Variants in WWP1 observed in about 807,000 individuals in gnomAD.
The protein encoded by WWP1 is WW domain containing E3 ubiquitin protein ligase 1, also known as NEDD4-like E3 ubiquitin-protein ligase WWP1.
WWP1 carries 49 observed loss-of-function variants against 130.6 expected under a neutral mutation model. The ratio of observed to expected loss-of-function variants is 0.38; its 90% CI spans 0.30 to 0.48. WWP1 has a LOEUF of 0.48. Ranked by LOEUF, WWP1 falls within the 20% of genes least tolerant of loss-of-function variation. The pLI is 0.99. For synonymous variants in WWP1, 332 were observed against 367.8 expected, an observed-to-expected ratio of 0.90 and a Z score of 1.11; for missense variants, 809 against 1,100.6, an observed-to-expected ratio of 0.74 and a Z score of 3.75.
chr8:86,442,826 A>G, intron 18 of WWP1, 48 bp downstream of exon 18: 1 of 1,468,436 alleles, frequency 6.8e-7, no homozygotes, highest in Non-Finnish European at 9.0e-7. Context: ...TTACAAATGT[A>G]TTAGAGAAGG....
chr8:86,464,412 C>A (rs1226069269), intron 24 of WWP1, among the ~76,000 whole-genome samples: 2 of 152,108 alleles, frequency 1.3e-5, no homozygotes, highest in African/African-American at 4.8e-5. Flanking sequence ...TGTTTATTTT[C>A]ATATCAAAGT....
At chr8:86,379,236 G>A (rs182009285) in intron 3 of WWP1, among the ~76,000 whole-genome samples, 46 of 152,250 alleles carry the variant, frequency 3.0e-4, no homozygotes, top group Admixed American at 2.9e-3. Context: ...AGTTTGGAAC[G>A]ATGAAGGATG....
chr8:86,391,082 C>T (rs1807308292), intron 5 of WWP1, among the ~76,000 whole-genome samples: 1 of 152,030 alleles, frequency 6.6e-6, no homozygotes, highest in African/African-American at 2.4e-5. Flanking sequence ...TTTACATATA[C>T]ATAAATAAAC....
At chr8:86,448,641 GA>G (rs1811014400) in intron 20 of WWP1, 128 bp downstream of exon 20, 1 of 800,008 alleles carries the variant, frequency 1.2e-6, no homozygotes, top group Non-Finnish European at 1.8e-6. Context: ...CAATGTTCTT[GA>G]AAAAAGAGAA....
At chr8:86,401,772 A>C (rs1344220125) in intron 7 of WWP1, among the ~76,000 whole-genome samples, 1 of 152,150 alleles carries the variant, frequency 6.6e-6, no homozygotes, top group Non-Finnish European at 1.5e-5. Context: ...CAGAATGAAT[A>C]CACTTAGAAC....
intron 1 of WWP1, among the ~76,000 whole-genome samples, chr8:86,365,718 T>C (rs1823929784): frequency 6.6e-6 from 1 of 152,190 alleles, no homozygotes; most frequent in African/African-American, 2.4e-5. Flanking sequence ...ATCCCAGCAC[T>C]TTGGGAGGCC....
intron 12 of WWP1, among the ~76,000 whole-genome samples, chr8:86,431,186 T>A (rs1809951512): frequency 7.1e-6 from 1 of 140,312 alleles, no homozygotes; most frequent in Non-Finnish European, 1.5e-5. Context: ...TAATTATCTA[T>A]AATATAATAT....
At chr8:86,453,739 A>G (rs1263751405) in intron 21 of WWP1, among the ~76,000 whole-genome samples, 1 of 151,938 alleles carries the variant, frequency 6.6e-6, no homozygotes, top group African/African-American at 2.4e-5. Context: ...TTGTTTTTTT[A>G]ATAGTATCCA....
chr8:86,415,773 A>G (rs184494352), intron 9 of WWP1, among the ~76,000 whole-genome samples: 2 of 152,320 alleles, frequency 1.3e-5, no homozygotes, highest in African/African-American at 2.4e-5. Flanking sequence ...GCTTCTTCTA[A>G]TCAGCATGAT....
chr8:86,444,031 A>C (rs746384228), intron 18 of WWP1, among the ~76,000 whole-genome samples: 1 of 152,236 alleles, frequency 6.6e-6, no homozygotes, highest in Non-Finnish European at 1.5e-5. Context: ...CTTTACGAGT[A>C]TGTAGAAGAC....
At chr8:86,454,504 T>TTAGCATGGAAGAC (rs1811337240) in intron 21 of WWP1, among the ~76,000 whole-genome samples, 1 of 152,136 alleles carries the variant, frequency 6.6e-6, no homozygotes, top group Non-Finnish European at 1.5e-5. Flanking sequence ...TATTAGAAGA[T>TTAGCATGGAAGAC]TAGCATGGAA....
At chr8:86,461,717 G>A in intron 23 of WWP1, 57 bp from the exon 24 acceptor site, 2 of 1,358,122 alleles carry the variant, frequency 1.5e-6, no homozygotes, top group Non-Finnish European at 2.1e-6. Context: ...TTAAGCAGTT[G>A]TCAGAAGAAA....
At chr8:86,464,935 TGA>T (rs913656369) in intron 24 of WWP1, among the ~76,000 whole-genome samples, 1 of 151,842 alleles carries the variant, frequency 6.6e-6, no homozygotes, top group South Asian at 2.1e-4. Flanking sequence ...GTGTGTGTAT[TGA>T]GAGAGAGATT....
intron 1 of WWP1, among the ~76,000 whole-genome samples, chr8:86,343,879 GA>G (rs1321841345): frequency 2.0e-5 from 3 of 151,612 alleles, no homozygotes; most frequent in Admixed American, 6.6e-5. Flanking sequence ...ATAGTAGTGG[GA>G]AAAAAAATCA....
chr8:86,381,612 TG>T lies in WWP1; in HGVS notation c.318del (p.Ile107TyrfsTer9). The T allele has an allele frequency of 6.3e-7, 1 of 1,590,832 alleles. No homozygotes were observed. The highest frequency in any genetic ancestry group is 8.5e-7 in the Non-Finnish European group (1 of 1,173,932). On this transcript the variant is annotated frameshift_variant, in exon 5 of 25. Transcript: ENST00000517970. LOFTEE classifies it high-confidence loss of function. ...KATIDLKQALLIHNRKLERVK... is the reference protein window; with the variant it reads ...KATIDLKQALXIHNRKLERVK... The stretch of plus-strand genomic sequence containing the variant: ...ACGATAGATTTGAAACAAGCTCTGT[TG>T]ATACACAATAGAAAATGTAAGTTTT...
chr8:86,391,406 A>C (rs1188669519), intron 5 of WWP1, among the ~76,000 whole-genome samples: 1 of 152,090 alleles, frequency 6.6e-6, no homozygotes, highest in African/African-American at 2.4e-5. Context: ...CTCTGCGGAG[A>C]TGTGTGGTAT....
chr8:86,421,786 G>T (rs912651955), intron 9 of WWP1, among the ~76,000 whole-genome samples: 2 of 151,918 alleles, frequency 1.3e-5, no homozygotes, highest in Non-Finnish European at 1.5e-5. Flanking sequence ...TTGCGCCACT[G>T]CATTCCAGCC....
chr8:86,444,765 A>G (rs1228217971), intron 18 of WWP1, among the ~76,000 whole-genome samples: 1 of 152,170 alleles, frequency 6.6e-6, no homozygotes, highest in Non-Finnish European at 1.5e-5. Flanking sequence ...GGGAGAGTGG[A>G]TACAGCAAAT....
intron 5 of WWP1, 77 bp downstream of exon 5, chr8:86,381,706 C>T (rs1824997219): frequency 7.4e-7 from 1 of 1,355,626 alleles, no homozygotes; most frequent in African/African-American, 1.5e-5. Flanking sequence ...ATCCTAAAAG[C>T]AAAAACATAG....
Sources: allele counts gnomAD v4.1 joint callset (sites outside exome capture counted in the v4.1 genomes callset), GRCh38; gene constraint gnomAD v4.1.1; transcripts MANE v1.5; gene names NCBI Gene and HGNC (gene_info 2026-07-23, HGNC 2026-07-21).